The following IGF1R variants were observed in gnomAD, a reference collection of about 807,000 sequenced individuals.
The protein encoded by IGF1R is insulin-like growth factor 1 receptor.
Under a neutral mutation model 144.6 loss-of-function variants are expected in IGF1R, and 44 were observed. The ratio of observed to expected loss-of-function variants is 0.30; its 90% confidence interval spans 0.24 to 0.39. The LOEUF (loss-of-function observed/expected upper bound fraction) is 0.39. Ranked by LOEUF, IGF1R falls within the 10% of genes least tolerant of loss-of-function variation. The pLI is 1.00. For missense variants in IGF1R, 1,355 were observed against 1,833.7 expected (o/e 0.74, Z 4.77); for synonymous variants, 795 against 722.8 (o/e 1.10, Z -1.60).
At chr15:98,945,652 A>C (rs1479129537) in intron 19 of IGF1R, among the ~76,000 whole-genome samples, 4 of 152,134 alleles carry the variant, frequency 2.6e-5, no homozygotes, top group Non-Finnish European at 5.9e-5. Flanking sequence ...GCCTTGGTTA[A>C]ACCTCAGAGC....
intron 5 of IGF1R, among the ~76,000 whole-genome samples, chr15:98,902,767 A>G (rs555246953): frequency 3.3e-4 from 50 of 152,286 alleles, no homozygotes; most frequent in Non-Finnish European, 5.1e-4. Flanking sequence ...ATTTGGTTCA[A>G]TAGGATGAAA....
At chr15:98,758,080 T>C (rs1403481799) in intron 2 of IGF1R, among the ~76,000 whole-genome samples, 2 of 152,192 alleles carry the variant, frequency 1.3e-5, no homozygotes, top group African/African-American at 4.8e-5. Context: ...TCTCTGTCTT[T>C]TCACTCATGG....
At chr15:98,675,137 T>C (rs1045292980) in intron 1 of IGF1R, among the ~76,000 whole-genome samples, 3 of 152,010 alleles carry the variant, frequency 2.0e-5, no homozygotes, top group African/African-American at 7.3e-5. Context: ...TACAAGTGCA[T>C]GCCACCATGC....
At chr15:98,908,622 C>T (rs1596430248) in intron 5 of IGF1R, 63 bp from the exon 6 acceptor site, 3 of 1,279,750 alleles carry the variant, frequency 2.3e-6, no homozygotes, top group East Asian at 4.8e-5. Flanking sequence ...GTTACGTGGC[C>T]AGCAGGCTAG....
chr15:98,885,131 T>G (rs1182758808), intron 2 of IGF1R, among the ~76,000 whole-genome samples: 1 of 152,236 alleles, frequency 6.6e-6, no homozygotes, highest in Non-Finnish European at 1.5e-5. Flanking sequence ...AGCTACCCTT[T>G]GCTTGCTACT....
intron 18 of IGF1R, among the ~76,000 whole-genome samples, chr15:98,941,752 T>C (rs2016373636): frequency 6.6e-6 from 1 of 152,208 alleles, no homozygotes; most frequent in African/African-American, 2.4e-5. Context: ...TTGGTTCAAG[T>C]CCAAGGAACT....
Position 98,707,258 on chromosome 15 carries a change from C to G in IGF1R, c.95-304C>G, listed in dbSNP as rs2053887819. Among the ~76,000 whole-genome samples the G allele has an allele frequency of 6.6e-6, 1 of 152,216 alleles. No individual in the cohort carries two copies. Among genetic ancestry groups the G allele is most frequent in the African/African-American group, 2.4e-5 (1 of 41,458 alleles). On this transcript the variant is annotated intron_variant, in intron 1 of 20. Transcript: ENST00000650285. This position sits in a 1 kb window ranked among gnomAD's most constrained non-coding sequence, Gnocchi z 6.7. ...TGGGTTGCAGATTTAACTTTCGCCT[C>G]TGCCTCTGTGTGCCTCTGGGCTGTA...
chr15:98,934,045 C>T (rs1055549523), intron 15 of IGF1R, among the ~76,000 whole-genome samples: 16 of 151,720 alleles, frequency 1.1e-4, no homozygotes, highest in African/African-American at 2.9e-4. Context: ...TAATACGTTT[C>T]GTGTAACCCA....
chr15:98,703,461 T>C (rs982485790), intron 1 of IGF1R, among the ~76,000 whole-genome samples: 1 of 152,190 alleles, frequency 6.6e-6, no homozygotes, highest in African/African-American at 2.4e-5. Flanking sequence ...TTTCACTGTT[T>C]CTATCACAAA....
chr15:98,813,716 T>C (rs1331825617), intron 2 of IGF1R, among the ~76,000 whole-genome samples: 1 of 152,168 alleles, frequency 6.6e-6, no homozygotes, highest in African/African-American at 2.4e-5. Flanking sequence ...GTACCCAGAA[T>C]AGGTGAGGAT....
chr15:98,649,640 C>T lies in IGF1R; in HGVS notation c.59C>T (p.Ser20Phe), dbSNP rs367826969. Residue 20 changes from serine to phenylalanine, a missense_variant, in exon 1 of 21, where the codon TCC becomes TTC. Transcript: ENST00000650285. Reference protein sequence around the residue: ...PTSLWGLLFLSAALSLWPTSG... With the variant: ...PTSLWGLLFLFAALSLWPTSG... ...TCGCTGTGGGGGCTCCTGTTTCTCT[C>T]CGCCGCGCTCTCGCTCTGGCCGACG... 41 of 1,609,984 alleles carry T rather than the reference C, an allele frequency of 2.5e-5. No individual in the cohort carries two copies. Among genetic ancestry groups the T allele is most frequent in the Non-Finnish European group, 3.1e-5 (36 of 1,178,792 alleles).
chr15:98,840,408 A>G (rs1200134467), intron 2 of IGF1R, among the ~76,000 whole-genome samples: 1 of 152,204 alleles, frequency 6.6e-6, no homozygotes, highest in African/African-American at 2.4e-5. Flanking sequence ...AATCTTCAGA[A>G]AAGAAGAAAA....
intron 8 of IGF1R, among the ~76,000 whole-genome samples, chr15:98,914,809 C>G (rs1275972381): frequency 6.6e-6 from 1 of 152,166 alleles, no homozygotes; most frequent in Admixed American, 6.5e-5. Context: ...TGGTCCTCTG[C>G]CTCTGCTGTT....
At chr15:98,768,959 A>C (rs368591719) in intron 2 of IGF1R, among the ~76,000 whole-genome samples, 2 of 108,386 alleles carry the variant, frequency 1.8e-5, no homozygotes, top group African/African-American at 6.5e-5. Flanking sequence ...AACAACAACA[A>C]CACCTCACAA....
At chr15:98,661,868 A>G (rs1431522633) in intron 1 of IGF1R, among the ~76,000 whole-genome samples, 2 of 149,552 alleles carry the variant, frequency 1.3e-5, no homozygotes, top group Admixed American at 6.6e-5. Flanking sequence ...TCTCCTCCTC[A>G]TGGTGGGTGG....
At chr15:98,928,006 C>T (rs1388373112) in intron 13 of IGF1R, among the ~76,000 whole-genome samples, 2 of 152,174 alleles carry the variant, frequency 1.3e-5, no homozygotes, top group Non-Finnish European at 2.9e-5. Context: ...AGTCAGTGGT[C>T]TTGTAATCCA....
At chr15:98,733,295 G>A (rs887280081) in intron 2 of IGF1R, among the ~76,000 whole-genome samples, 2 of 152,006 alleles carry the variant, frequency 1.3e-5, no homozygotes, top group South Asian at 2.1e-4. Flanking sequence ...GCTTATTGCA[G>A]CCTCAGCCTC....
intron 2 of IGF1R, among the ~76,000 whole-genome samples, chr15:98,768,274 C>G (rs989283619): frequency 6.6e-6 from 1 of 152,006 alleles, no homozygotes; most frequent in South Asian, 2.1e-4. Context: ...CGTTGGATGC[C>G]CTTTCTACAC....
intron 2 of IGF1R, among the ~76,000 whole-genome samples, chr15:98,803,032 A>G (rs977505049): frequency 6.6e-6 from 1 of 152,230 alleles, no homozygotes; most frequent in African/African-American, 2.4e-5. Flanking sequence ...ATTCAGTAAC[A>G]TGAAGGTAAT....
Sources: gnomAD v4.1 joint callset for allele counts (sites outside exome capture counted in the v4.1 genomes callset) on GRCh38, gnomAD v4.1.1 for gene constraint, Gnocchi (gnomAD v3.1) non-coding constraint, MANE v1.5 for transcripts, NCBI Gene and HGNC (gene_info 2026-07-23, HGNC 2026-07-21) for gene names.